The following SCLT1 variants were observed in gnomAD, a reference collection of about 807,000 sequenced individuals.
The protein encoded by SCLT1 is sodium channel and clathrin linker 1.
Under a neutral mutation model 112.8 loss-of-function variants are expected in SCLT1, and 78 were observed. That is an observed-to-expected ratio of 0.69 (90% confidence interval 0.58 to 0.83). The LOEUF (loss-of-function observed/expected upper bound fraction) is 0.83, where lower values mean the gene tolerates loss of function less well. Ranked by LOEUF, SCLT1 falls within the 40% of genes least tolerant of loss-of-function variation. SCLT1 has a pLI of 0.00. For synonymous variants in SCLT1, 257 were observed against 254.7 expected (o/e 1.01, Z -0.09); for missense variants, 747 against 770.4 (o/e 0.97, Z 0.36).
At chr4:129,039,913 C>G (rs1035568356) in intron 4 of SCLT1, 2 of 422,122 alleles carry the variant, frequency 4.7e-6, no homozygotes, top group Non-Finnish European at 8.8e-6. Context: ...CACACACACA[C>G]ACACACACAC....
chr4:128,992,017 A>G (rs1742616116), intron 9 of SCLT1, 150 bp downstream of exon 9: 1 of 576,606 alleles, frequency 1.7e-6, no homozygotes, highest in African/African-American at 1.9e-5. Context: ...GTTTCTTCCC[A>G]TCCTAACAGA....
chr4:129,063,409 T>A (rs564736981), intron 2 of SCLT1, among the ~76,000 whole-genome samples: 1 of 152,352 alleles, frequency 6.6e-6, no homozygotes, highest in South Asian at 2.1e-4. Context: ...TTTCTTTGGA[T>A]CCCATTAAAC....
At chr4:128,966,735 C>T (rs1740229515) in intron 10 of SCLT1, among the ~76,000 whole-genome samples, 1 of 152,050 alleles carries the variant, frequency 6.6e-6, no homozygotes, top group Non-Finnish European at 1.5e-5. Flanking sequence ...TTGAAAATGC[C>T]TGTATTTTGC....
intron 5 of SCLT1, chr4:128,874,294 C>G (rs1056155701): frequency 2.0e-5 from 3 of 152,432 alleles, no homozygotes; most frequent in Non-Finnish European, 2.9e-5. Flanking sequence ...GATAATTTGT[C>G]AAGCCATAGA....
chr4:128,955,691 T>C (rs1247677078), intron 13 of SCLT1, among the ~76,000 whole-genome samples: 1 of 152,254 alleles, frequency 6.6e-6, no homozygotes. Context: ...GTGCTATCTC[T>C]GGGTATTAAA....
intron 19 of SCLT1, among the ~76,000 whole-genome samples, chr4:128,890,256 C>G (rs2125923160): frequency 6.6e-6 from 1 of 152,236 alleles, no homozygotes; most frequent in African/African-American, 2.4e-5. Flanking sequence ...CTTTTCTATT[C>G]ATCATTTTGG....
intron 2 of SCLT1, among the ~76,000 whole-genome samples, chr4:129,059,475 C>T (rs4975193): frequency 0.72 from 109,551 of 151,962 alleles, 41,508 homozygotes; most frequent in South Asian, 0.89. Context: ...TTTATGTGCT[C>T]TCATGATAGC....
At chr4:129,090,167 G>A (rs1752714269) in intron 1 of SCLT1, among the ~76,000 whole-genome samples, 1 of 152,046 alleles carries the variant, frequency 6.6e-6, no homozygotes, top group African/African-American at 2.4e-5. Flanking sequence ...AAACTACAAA[G>A]TATAGCTGAG....
intron 18 of SCLT1, among the ~76,000 whole-genome samples, chr4:128,922,506 C>T (rs1442385451): frequency 4.6e-5 from 7 of 152,030 alleles, no homozygotes; most frequent in African/African-American, 1.4e-4. Context: ...TGCAGCAACA[C>T]GGATGGAGTT....
intron 2 of SCLT1, among the ~76,000 whole-genome samples, chr4:129,048,648 G>A (rs1470453344): frequency 6.6e-6 from 1 of 152,086 alleles, no homozygotes; most frequent in Non-Finnish European, 1.5e-5. Flanking sequence ...TTAAACTAAA[G>A]AGCTTCTGCA....
chr4:128,983,835 T>C (rs1419926261), intron 9 of SCLT1, among the ~76,000 whole-genome samples: 1 of 152,178 alleles, frequency 6.6e-6, no homozygotes, highest in Non-Finnish European at 1.5e-5. Flanking sequence ...TAAACAACTC[T>C]AGTACTTAAG....
At chr4:128,948,263 G>A (rs1402681804) in intron 15 of SCLT1, among the ~76,000 whole-genome samples, 5 of 149,928 alleles carry the variant, frequency 3.3e-5, no homozygotes, top group African/African-American at 1.2e-4. Flanking sequence ...CTGAACCCGG[G>A]AGGTGGAGGT....
At chr4:128,890,804 T>A (rs1308608769) in intron 19 of SCLT1, among the ~76,000 whole-genome samples, 1 of 152,190 alleles carries the variant, frequency 6.6e-6, no homozygotes, top group East Asian at 1.9e-4. Context: ...CCTAATACGT[T>A]CTCTGAAATA....
chr4:128,973,489 G>A (rs1009523078), intron 9 of SCLT1, among the ~76,000 whole-genome samples: 1 of 149,490 alleles, frequency 6.7e-6, no homozygotes, highest in Non-Finnish European at 1.5e-5. Context: ...AGGGAGAGAG[G>A]GAGAGGGAAA....
chr4:128,994,538 G>A (rs569099738), intron 8 of SCLT1, among the ~76,000 whole-genome samples: 1 of 152,228 alleles, frequency 6.6e-6, no homozygotes, highest in African/African-American at 2.4e-5. Context: ...TCAGAAGTGG[G>A]ATTTCTGGAT....
rs763457788 is a variant in SCLT1, at chr4:128,948,568, C to T, written c.1221G>A (p.Glu407=). The T allele has an allele frequency of 2.0e-5, 32 of 1,599,188 alleles. No homozygotes were observed. In the South Asian group the frequency reaches 3.1e-4, roughly 15 times the overall value. ...LTEELSALQM[E]CAEKQGQIER... ...CAATTTGGCCTTGTTTTTCAGCACA[C>T]TCCTATAAATTCAAGTCATATTGTA... The change falls in exon 15 of 21, where the codon GAG becomes GAA. Residue 407 remains glutamate (E), a splice_region_variant and synonymous_variant. Transcript: ENST00000281142.
chr4:129,078,997 AT>A (rs1316802830), intron 2 of SCLT1, among the ~76,000 whole-genome samples: 8 of 152,142 alleles, frequency 5.3e-5, no homozygotes, highest in Non-Finnish European at 1.2e-4. Context: ...GGTACTACCC[AT>A]TTATAAGCAA....
chr4:129,003,791 C>A lies in SCLT1; in HGVS notation c.376G>T (p.Asp126Tyr), dbSNP rs1024251445. ...TGAAGGTTTCTGACTGTTTCATCATCTGCATATATGTCAGTTCCTACCTCT... is the reference window on the plus strand; with the variant it reads ...TGAAGGTTTCTGACTGTTTCATCATATGCATATATGTCAGTTCCTACCTCT... ...GTEVGTDIYA[D>Y]DETVRNLQEQ... Residue 126 changes from aspartate to tyrosine, a missense_variant, in exon 6 of 21, where the codon GAT becomes TAT. Transcript: ENST00000281142. 1.1e-5 allele frequency: 18 copies of A among 1,611,524 alleles called. No homozygotes were observed. The highest frequency in any genetic ancestry group is 1.4e-5 in the Non-Finnish European group (17 of 1,178,832).
At chr4:128,959,066 T>C (rs1739454654) in intron 12 of SCLT1, among the ~76,000 whole-genome samples, 1 of 152,148 alleles carries the variant, frequency 6.6e-6, no homozygotes, top group African/African-American at 2.4e-5. Context: ...TAAACTTAAA[T>C]GTATCATTCA....
Sources: gnomAD v4.1 joint callset for allele counts (sites outside exome capture counted in the v4.1 genomes callset) on GRCh38, gnomAD v4.1.1 for gene constraint, MANE v1.5 for transcripts, NCBI Gene and HGNC (gene_info 2026-07-23, HGNC 2026-07-21) for gene names.